Variants in HECTD4 observed in about 807,000 individuals in gnomAD.
HECTD4 encodes the protein probable E3 ubiquitin-protein ligase HECTD4.
In HECTD4, 114 loss-of-function variants were observed where a neutral mutation model predicts 471.5. The ratio of observed to expected loss-of-function variants is 0.24; its 90% CI spans 0.21 to 0.28. The LOEUF is 0.28. HECTD4 is among the 10% of genes least tolerant of loss of function. The pLI is 1.00. For synonymous variants in HECTD4, 2,012 were observed against 2,256.0 expected, an observed-to-expected ratio of 0.89 and a Z score of 3.07; for missense variants, 3,866 against 5,651.5, an observed-to-expected ratio of 0.68 and a Z score of 10.13.
chr12:112,301,776 T>G, intron 7 of HECTD4: 1 of 518,196 alleles, frequency 1.9e-6, no homozygotes, highest in Non-Finnish European at 3.4e-6. Flanking sequence ...TATGTGAAGT[T>G]TTACTCTATT....
chr12:112,323,949 TCTTTCTTTCTTTCTTTCTTCCTTC>T (rs1176533724), intron 1 of HECTD4, among the ~76,000 whole-genome samples: 5 of 43,350 alleles, frequency 1.2e-4, no homozygotes, highest in South Asian at 1.4e-3. Flanking sequence ...CTGAGGTGCT[TCTTTCTTTCTTTCTTTCTTCCTTC>T]CTTCCTTCCT....
intron 49 of HECTD4, 113 bp from the exon 50 acceptor site, chr12:112,210,365 G>A: frequency 2.7e-6 from 3 of 1,109,474 alleles, no homozygotes; most frequent in Non-Finnish European, 4.0e-6. Context: ...CCCGAGGTGT[G>A]TGCTGGCATG....
intron 8 of HECTD4, among the ~76,000 whole-genome samples, chr12:112,279,866 AAAAATCC>A (rs1380816159): frequency 6.6e-6 from 1 of 152,208 alleles, no homozygotes; most frequent in Non-Finnish European, 1.5e-5. Flanking sequence ...TTCCTAATTG[AAAAATCC>A]AAAATCCAAA....
chr12:112,216,146 T>G lies in HECTD4; in HGVS notation c.7465+146A>C, dbSNP rs1056855733. On this transcript the variant is annotated intron_variant, in intron 48 of 75. Coordinates refer to ENST00000682272, the MANE Select transcript of HECTD4 (RefSeq NM_001388303.1). Reference sequence around the variant, plus strand: ...ATAAAGTGAGGGGTTTGGTGTAAACTAGGGGGCAGCAAGGACGTGTTTGGT... The same window carrying G: ...ATAAAGTGAGGGGTTTGGTGTAAACGAGGGGGCAGCAAGGACGTGTTTGGT... The G allele has an allele frequency of 6.4e-6, 4 of 626,626 alleles. No individual in the cohort carries two copies. The Admixed American group carries it at 8.0e-5, about 13-fold the overall frequency. 38.8% of individuals were successfully genotyped at this position (626,626 alleles called of 1,614,324 possible). A position where few individuals can be genotyped will look rare whatever the true frequency, so the allele number is the denominator to read the frequency against.
rs2034994884 is a variant in HECTD4 at position 112,295,759 on chromosome 12, A to G, written c.1335+10305T>C. Among the ~76,000 whole-genome samples the G allele has an allele frequency of 2.0e-5, 3 of 151,362 alleles. No homozygotes were observed. In the South Asian group the frequency reaches 6.2e-4, roughly 32 times the overall value. ...TGGGCTCAAGCAATCCTCCCACCTT[A>G]GCCCTCCAAATAGCTGGGACTACGG... is the stretch of plus-strand genomic sequence containing the variant. On this transcript the variant is annotated intron_variant, in intron 7 of 75. Coordinates refer to ENST00000682272, the MANE Select transcript of HECTD4 (RefSeq NM_001388303.1).
intron 32 of HECTD4, among the ~76,000 whole-genome samples, chr12:112,240,391 A>G (rs1473929110): frequency 6.6e-6 from 1 of 152,176 alleles, no homozygotes; most frequent in Non-Finnish European, 1.5e-5. Flanking sequence ...GTTATTTCAG[A>G]CATGTCTACA....
intron 18 of HECTD4, among the ~76,000 whole-genome samples, chr12:112,260,473 G>A (rs1415109907): frequency 1.3e-5 from 2 of 152,102 alleles, no homozygotes; most frequent in African/African-American, 2.4e-5. Context: ...ACAGGGTTAC[G>A]GAAGCAAAAA....
rs1383328175 is a variant in HECTD4, at chr12:112,254,038, C to G, written c.3447+5G>C. On this transcript the variant is annotated splice_donor_5th_base_variant and intron_variant, in intron 22 of 75. Coordinates refer to ENST00000682272, the MANE Select transcript of HECTD4 (RefSeq NM_001388303.1). ...CTAGGAAGCGATTATGACTGAATAC[C>G]ATACCTTCACCAAGTCTTTCGGCCA... 1.2e-6 allele frequency: 2 copies of G among 1,613,682 alleles called. No individual in the cohort carries two copies. Among genetic ancestry groups the G allele is most frequent in the Non-Finnish European group, 1.7e-6 (2 of 1,179,796 alleles).
chr12:112,246,853 C>A (rs1375618453), intron 29 of HECTD4, 48 bp downstream of exon 29: 2 of 1,538,084 alleles, frequency 1.3e-6, no homozygotes, highest in Admixed American at 2.0e-5. Context: ...AGAGTATATT[C>A]TCTGTTCATA....
At chr12:112,258,801 A>G in intron 19 of HECTD4, 1 of 561,888 alleles carries the variant, frequency 1.8e-6, no homozygotes, top group Non-Finnish European at 3.1e-6. Context: ...ATTAGCTACT[A>G]TTAGCTGGCA....
rs985051719 is a variant in HECTD4, at chr12:112,302,563, C to T, written c.1335+3501G>A. 54 of 693,612 alleles carry T rather than the reference C, an allele frequency of 7.8e-5. 1 individual carries two copies. The highest frequency in any genetic ancestry group is 2.6e-4 in the Admixed American group (13 of 50,732). The allele number at this position is 693,612 out of a possible 1,614,324, so 43.0% of individuals were successfully genotyped here. On this transcript the variant is annotated intron_variant, in intron 7 of 75. Coordinates refer to ENST00000682272, the MANE Select transcript of HECTD4 (RefSeq NM_001388303.1). ...GTCCTGTCCAATACCAAAATTCTTACGCCTTTTCTCAAACAGGGAATTCAC... is the reference window on the plus strand; with the variant it reads ...GTCCTGTCCAATACCAAAATTCTTATGCCTTTTCTCAAACAGGGAATTCAC...
At position 112,188,243 on chromosome 12, in the gene HECTD4, C is replaced by T. The variant is rs1020667254; in HGVS notation, c.9472+2543G>A. Among the ~76,000 whole-genome samples the T allele has an allele frequency of 2.6e-5, 4 of 152,060 alleles. No homozygotes were observed. Among genetic ancestry groups the T allele is most frequent in the Admixed American group, 6.5e-5 (1 of 15,274 alleles). On this transcript the variant is annotated intron_variant, in intron 60 of 75. Coordinates refer to ENST00000682272, the MANE Select transcript of HECTD4 (RefSeq NM_001388303.1). The surrounding 1 kb of genome is among the most constrained non-coding windows in gnomAD (Gnocchi z 4.2). ...GGTGGAAGTTGCAGTGAGCTGAGAT[C>T]GCACCACTGCGCTCCAGCCTGGGTG...
In HECTD4 at chr12:112,193,742, A is replaced by T; in HGVS notation, c.8750-68T>A. 1 of 1,420,116 alleles carries T rather than the reference A, an allele frequency of 7.0e-7. No individual in the cohort carries two copies. The allele number at this position is 1,420,116 out of a possible 1,614,324, so 88.0% of individuals were successfully genotyped here. On this transcript the variant is annotated intron_variant, in intron 56 of 75. Coordinates refer to ENST00000682272, the MANE Select transcript of HECTD4 (RefSeq NM_001388303.1). The surrounding 1 kb of genome is among the most constrained non-coding windows in gnomAD (Gnocchi z 5.2). Reference sequence around the variant, plus strand: ...GCCAGTAGCTGTGAGAGTCTAAGTAACAGAAAATGAATAACCCATCCAGAA... The same window carrying T: ...GCCAGTAGCTGTGAGAGTCTAAGTATCAGAAAATGAATAACCCATCCAGAA...
rs557334466 is a variant in HECTD4 at position 112,381,297 on chromosome 12, C to A, written c.177+655G>T. Among the ~76,000 whole-genome samples the A allele has an allele frequency of 2.6e-5, 4 of 152,296 alleles. No individual in the cohort carries two copies. The highest frequency in any genetic ancestry group is 9.6e-5 in the African/African-American group (4 of 41,580). The stretch of plus-strand genomic sequence containing the variant: ...CACACAAAAAGGCCCTGCGGCCTAA[C>A]GCGCCAGTGACCCTTCCCCGAGAGT... On this transcript the variant is annotated intron_variant, in intron 1 of 75. Transcript: ENST00000682272. The surrounding 1 kb of genome is among the most constrained non-coding windows in gnomAD (Gnocchi z 4.1).
intron 71 of HECTD4, 73 bp from the exon 72 acceptor site, chr12:112,167,611 C>G: frequency 8.0e-7 from 1 of 1,253,248 alleles, no homozygotes; most frequent in Non-Finnish European, 1.1e-6. Context: ...GTGTTTCAAG[C>G]CACCATACCC....
At chr12:112,344,437 A>G (rs920909686) in intron 1 of HECTD4, among the ~76,000 whole-genome samples, 2 of 152,188 alleles carry the variant, frequency 1.3e-5, no homozygotes, top group African/African-American at 4.8e-5. Context: ...AAGAAACTAA[A>G]CAAGCCATCC....
intron 1 of HECTD4, among the ~76,000 whole-genome samples, chr12:112,351,707 A>G (rs2036250643): frequency 6.6e-6 from 1 of 152,244 alleles, no homozygotes; most frequent in Non-Finnish European, 1.5e-5. Flanking sequence ...AAATCATGGA[A>G]GATCATAAAT....
intron 22 of HECTD4, 39 bp downstream of exon 22, chr12:112,254,004 T>C: frequency 6.2e-7 from 1 of 1,610,310 alleles, no homozygotes; most frequent in Non-Finnish European, 8.5e-7. Flanking sequence ...TGCAAGTTCA[T>C]TTTCTTTTCT....
chr12:112,191,543 C>A (rs536162328), intron 59 of HECTD4, among the ~76,000 whole-genome samples: 2 of 152,292 alleles, frequency 1.3e-5, no homozygotes, highest in African/African-American at 2.4e-5. Context: ...TGCACTGCCC[C>A]TGAAGCCCCT....
Sources: allele counts gnomAD v4.1 joint callset (sites outside exome capture counted in the v4.1 genomes callset), GRCh38; gene constraint gnomAD v4.1.1; non-coding constraint Gnocchi (gnomAD v3.1); transcripts MANE v1.5; gene names NCBI Gene and HGNC (gene_info 2026-07-23, HGNC 2026-07-21).